SYT16: variants seen among roughly 807,000 people sequenced by gnomAD.
SYT16 encodes the protein synaptotagmin-16.
In SYT16, 42 loss-of-function variants were observed where a neutral mutation model predicts 61.4. The ratio of observed to expected loss-of-function variants is 0.68; its 90% CI spans 0.53 to 0.89. The LOEUF (loss-of-function observed/expected upper bound fraction) is 0.89. SYT16 is among the 40% of genes least tolerant of loss of function. The pLI is 0.00. For missense variants in SYT16, 804 were observed against 807.3 expected (o/e 1.00, Z 0.05); for synonymous variants, 314 against 302.3 (o/e 1.04, Z -0.40).
At chr14:61,987,513 C>G (rs575800967) in intron 2 of SYT16, among the ~76,000 whole-genome samples, 1 of 152,176 alleles carries the variant, frequency 6.6e-6, no homozygotes, top group South Asian at 2.1e-4. Context: ...GACTTGGACT[C>G]AAGTATTACC....
At chr14:61,856,431 A>C (rs1346544202) in intron 1 of SYT16, among the ~76,000 whole-genome samples, 1 of 152,202 alleles carries the variant, frequency 6.6e-6, no homozygotes, top group Non-Finnish European at 1.5e-5. Flanking sequence ...TATACTATTT[A>C]ATACATACAT....
intron 3 of SYT16, among the ~76,000 whole-genome samples, chr14:62,056,486 T>C (rs1457556190): frequency 6.6e-6 from 1 of 152,170 alleles, no homozygotes; most frequent in African/African-American, 2.4e-5. Flanking sequence ...TAAAGTCTGG[T>C]GCTATAAAAC....
chr14:61,854,051 G>A (rs73256442), intron 1 of SYT16, among the ~76,000 whole-genome samples: 23,054 of 152,008 alleles, frequency 0.15, 1,874 homozygotes, highest in African/African-American at 0.22. Context: ...CAGAACACTT[G>A]CTTTAGCCTA....
chr14:62,007,222 CA>C (rs1363510544), intron 3 of SYT16, among the ~76,000 whole-genome samples: 1 of 152,182 alleles, frequency 6.6e-6, no homozygotes, highest in East Asian at 1.9e-4. Flanking sequence ...TACTGCATGT[CA>C]AATGTTGCAT....
chr14:61,927,001 A>G (rs1319551488), intron 1 of SYT16, among the ~76,000 whole-genome samples: 1 of 152,222 alleles, frequency 6.6e-6, no homozygotes, highest in Non-Finnish European at 1.5e-5. Context: ...AGCTGTAATT[A>G]TAGGACTCCT....
intron 1 of SYT16, among the ~76,000 whole-genome samples, chr14:61,942,769 G>A (rs1566701695): frequency 6.6e-6 from 1 of 151,910 alleles, no homozygotes; most frequent in Non-Finnish European, 1.5e-5. Flanking sequence ...TGTGTTCTAG[G>A]GTATTCTGGC....
intron 3 of SYT16, among the ~76,000 whole-genome samples, chr14:62,067,766 G>T (rs2140936314): frequency 6.6e-6 from 1 of 152,150 alleles, no homozygotes; most frequent in South Asian, 2.1e-4. Flanking sequence ...ACTTTGGGAG[G>T]CCCTGACCAA....
chr14:61,948,476 C>T (rs771515285), intron 1 of SYT16, among the ~76,000 whole-genome samples: 4 of 151,830 alleles, frequency 2.6e-5, no homozygotes, highest in Non-Finnish European at 4.4e-5. Flanking sequence ...GAGGCTTTCA[C>T]GGCAGTCGGG....
intron 1 of SYT16, among the ~76,000 whole-genome samples, chr14:61,923,057 A>G (rs1294782591): frequency 6.6e-6 from 1 of 152,136 alleles, no homozygotes; most frequent in East Asian, 1.9e-4. Flanking sequence ...TCAAAAAAAA[A>G]AAAAAAAAAA....
chr14:61,951,871 C>T lies in SYT16; in HGVS notation c.-324-18261C>T, dbSNP rs150444257. ...GTGGTGTGATCACTGCTCACTGCAG[C>T]CTCAACCTCCTAGGCTCAAGTGATC... is the stretch of plus-strand genomic sequence containing the variant. On this transcript the variant is annotated intron_variant, in intron 1 of 7. Coordinates refer to ENST00000683842, the MANE Select transcript of SYT16 (RefSeq NM_001367656.1). Among the ~76,000 whole-genome samples the T allele has an allele frequency of 9.6e-4, 146 of 152,230 alleles. 1 individual carries two copies. The highest frequency in any genetic ancestry group is 3.2e-3 in the African/African-American group (133 of 41,542).
chr14:62,017,638 A>G (rs2053743815), intron 3 of SYT16, among the ~76,000 whole-genome samples: 1 of 151,938 alleles, frequency 6.6e-6, no homozygotes, highest in Admixed American at 6.6e-5. Flanking sequence ...TGGCTCTACC[A>G]TTACAATATA....
chr14:62,094,643 A>C (rs1486613320), intron 7 of SYT16, among the ~76,000 whole-genome samples: 1 of 152,086 alleles, frequency 6.6e-6, no homozygotes, highest in Non-Finnish European at 1.5e-5. Flanking sequence ...GTTCCAGTTC[A>C]GGTTAGTAAT....
intron 2 of SYT16, among the ~76,000 whole-genome samples, chr14:61,983,483 C>G (rs1050033870): frequency 5.9e-5 from 9 of 152,130 alleles, no homozygotes; most frequent in African/African-American, 1.7e-4. Context: ...ATCTCCTAAA[C>G]AGTTCTTGAT....
chr14:62,007,515 G>T (rs907597032), intron 3 of SYT16, among the ~76,000 whole-genome samples: 2 of 152,134 alleles, frequency 1.3e-5, no homozygotes, highest in Non-Finnish European at 2.9e-5. Flanking sequence ...GAACATGTTA[G>T]CAGCTGACAT....
intron 5 of SYT16, among the ~76,000 whole-genome samples, chr14:62,078,465 A>C (rs1482669967): frequency 6.6e-6 from 1 of 152,132 alleles, no homozygotes; most frequent in Admixed American, 6.5e-5. Context: ...ACCTCATTGC[A>C]TTGATGTAAA....
intron 1 of SYT16, among the ~76,000 whole-genome samples, chr14:61,947,991 G>A (rs2140468251): frequency 6.6e-6 from 1 of 152,326 alleles, no homozygotes; most frequent in South Asian, 2.1e-4. Flanking sequence ...TTAGAAAAAT[G>A]AGTAATCTGG....
intron 1 of SYT16, among the ~76,000 whole-genome samples, chr14:61,830,414 C>T (rs111580883): frequency 3.9e-5 from 6 of 152,250 alleles, no homozygotes; most frequent in African/African-American, 7.2e-5. Flanking sequence ...GCTTGAATGT[C>T]GATTTAGTTT....
chr14:61,907,423 T>C (rs184358375), intron 1 of SYT16, among the ~76,000 whole-genome samples: 220 of 152,338 alleles, frequency 1.4e-3, no homozygotes, highest in Non-Finnish European at 2.6e-3. Context: ...AAAATAACTT[T>C]TATTATTTCA....
intron 1 of SYT16, among the ~76,000 whole-genome samples, chr14:61,859,775 C>T (rs2046910143): frequency 6.6e-6 from 1 of 152,062 alleles, no homozygotes; most frequent in Non-Finnish European, 1.5e-5. Context: ...GTGGGGAGGA[C>T]ATTGGCACAC....
Sources: allele counts gnomAD v4.1 joint callset (sites outside exome capture counted in the v4.1 genomes callset), GRCh38; gene constraint gnomAD v4.1.1; transcripts MANE v1.5; gene names NCBI Gene and HGNC (gene_info 2026-07-23, HGNC 2026-07-21).